Variants in COMMD1 observed in about 807,000 individuals in gnomAD.
COMMD1 encodes COMM domain-containing protein 1.
A neutral mutation model predicts 17.2 loss-of-function variants in COMMD1; 10 were observed. The ratio of observed to expected loss-of-function variants is 0.58; its 90% CI spans 0.36 to 0.99. The LOEUF (loss-of-function observed/expected upper bound fraction) is 0.99, where lower values mean the gene tolerates loss of function less well. COMMD1 is among the 50% of genes least tolerant of loss of function. The pLI is 0.01. For missense variants in COMMD1, 270 were observed against 231.8 expected (o/e 1.17, Z -1.07); for synonymous variants, 97 against 91.6 (o/e 1.06, Z -0.34).
chr2:62,050,441 A>G (rs1209924480), intron 2 of COMMD1, among the ~76,000 whole-genome samples: 2 of 152,208 alleles, frequency 1.3e-5, no homozygotes, highest in African/African-American at 4.8e-5. Flanking sequence ...CCTAAGCGCC[A>G]ATTAAAAATG....
At chr2:62,002,713 G>A (rs904974464) in intron 2 of COMMD1, among the ~76,000 whole-genome samples, 4 of 149,136 alleles carry the variant, frequency 2.7e-5, no homozygotes, top group East Asian at 4.0e-4. Context: ...ACAAATTGCC[G>A]GGCATGGTGG....
rs528664864 is a variant in COMMD1 at position 61,895,205 on chromosome 2, C to T, written n.119+6363C>T. Among the ~76,000 whole-genome samples the T allele has an allele frequency of 5.9e-5, 9 of 152,244 alleles. No individual in the cohort carries two copies. In the South Asian group the frequency reaches 1.9e-3, roughly 32 times the overall value. On this transcript the variant is annotated intron_variant and non_coding_transcript_variant, in intron 1 of 2. Transcript: ENST00000472729. ...AGAGTGACATCAGCAAAATGGGAGA[C>T]CAGGAGCTGCCTCACTTGTGTCTCC...
chr2:61,989,644 T>A (rs960636128), intron 1 of COMMD1, among the ~76,000 whole-genome samples: 7 of 151,886 alleles, frequency 4.6e-5, no homozygotes, highest in African/African-American at 1.2e-4. Flanking sequence ...TGTGTTTTTT[T>A]AATAGAGTTG....
At chr2:61,949,657 TAAAATA>T (rs1670999657) in intron 1 of COMMD1, among the ~76,000 whole-genome samples, 1 of 109,182 alleles carries the variant, frequency 9.2e-6, no homozygotes, top group South Asian at 3.2e-4. Context: ...CAGATTCAGT[TAAAATA>T]AAAAAAAGAA....
At chr2:62,043,910 T>C (rs1044197359) in intron 2 of COMMD1, among the ~76,000 whole-genome samples, 1 of 152,224 alleles carries the variant, frequency 6.6e-6, no homozygotes, top group Non-Finnish European at 1.5e-5. Context: ...TATGTCAGTT[T>C]ATAATAGTCC....
chr2:62,091,249 T>A (rs1223471132), intron 2 of COMMD1, among the ~76,000 whole-genome samples: 2 of 152,264 alleles, frequency 1.3e-5, no homozygotes, highest in Non-Finnish European at 2.9e-5. Context: ...TCCCATCCTT[T>A]TCCCTCTTCC....
chr2:61,954,604 T>G (rs766712633), intron 1 of COMMD1, among the ~76,000 whole-genome samples: 13 of 152,162 alleles, frequency 8.5e-5, no homozygotes, highest in South Asian at 2.1e-4. Context: ...TTTGCAACAT[T>G]TTATAAAACT....
intron 2 of COMMD1, among the ~76,000 whole-genome samples, chr2:62,008,361 G>GAC (rs151332274): frequency 6.8e-6 from 1 of 146,546 alleles, no homozygotes; most frequent in African/African-American, 2.5e-5. Context: ...CACACAGACA[G>GAC]ACACACACAC....
At chr2:62,066,494 G>A (rs1016820639) in intron 2 of COMMD1, among the ~76,000 whole-genome samples, 1 of 150,460 alleles carries the variant, frequency 6.6e-6, no homozygotes, top group Admixed American at 6.6e-5. Flanking sequence ...GGAGTGCAGT[G>A]GTGCGATCTC....
intron 1 of COMMD1, among the ~76,000 whole-genome samples, chr2:61,894,429 A>C (rs1052226882): frequency 3.2e-4 from 48 of 151,940 alleles, no homozygotes; most frequent in African/African-American, 1.2e-3. Flanking sequence ...CTGACTTTAT[A>C]CACATCCTGC....
At chr2:62,018,062 G>A (rs1669505057) in intron 2 of COMMD1, among the ~76,000 whole-genome samples, 1 of 151,464 alleles carries the variant, frequency 6.6e-6, no homozygotes, top group Non-Finnish European at 1.5e-5. Flanking sequence ...AAAAAAAAAA[G>A]TCTGACTTTA....
intron 2 of COMMD1, among the ~76,000 whole-genome samples, chr2:62,024,383 T>TTG (rs975333450): frequency 1.3e-5 from 2 of 151,880 alleles, no homozygotes; most frequent in Admixed American, 1.3e-4. Flanking sequence ...TGCTGGCTAA[T>TTG]TGTGTGTGTG....
chr2:61,991,500 A>G (rs1309943212), intron 1 of COMMD1, among the ~76,000 whole-genome samples: 2 of 152,208 alleles, frequency 1.3e-5, no homozygotes, highest in African/African-American at 4.8e-5. Context: ...GTTGGGTCAA[A>G]TAGACTTTTT....
chr2:62,000,879 G>A lies in COMMD1; in HGVS notation c.359G>A (p.Arg120Gln), dbSNP rs771031012. 4.3e-6 allele frequency: 7 copies of A among 1,614,128 alleles called. No individual in the cohort carries two copies. The highest frequency in any genetic ancestry group is 2.7e-5 in the African/African-American group (2 of 75,042). ...CAGAGCCGCTGGAATAGCGGGCTTC[G>A]GGGCCTGAGCTGGAGAGTTGATGGC... ...MNQSRWNSGL[R>Q]GLSWRVDGKS... The change falls in exon 2 of 3, where the codon CGG becomes CAG. Residue 120 changes from arginine (R) to glutamine (Q), a missense_variant. Transcript: ENST00000311832.
chr2:62,099,820 G>T (rs1573185391), intron 2 of COMMD1, among the ~76,000 whole-genome samples: 1 of 151,970 alleles, frequency 6.6e-6, no homozygotes, highest in African/African-American at 2.4e-5. Context: ...TTCCTGTAGG[G>T]CCGCTGCATG....
intron 2 of COMMD1, among the ~76,000 whole-genome samples, chr2:62,082,594 G>A (rs905788758): frequency 1.3e-5 from 2 of 152,180 alleles, no homozygotes; most frequent in African/African-American, 4.8e-5. Context: ...GGGTGCGGTG[G>A]CTCACACCTG....
intron 1 of COMMD1, among the ~76,000 whole-genome samples, chr2:61,991,988 TATG>T (rs906771587): frequency 2.6e-5 from 4 of 152,246 alleles, no homozygotes; most frequent in Non-Finnish European, 5.9e-5. Flanking sequence ...TAATTTCTAA[TATG>T]ATGTCATAAA....
chr2:62,013,651 G>T (rs4672473), intron 2 of COMMD1, among the ~76,000 whole-genome samples: 136,399 of 152,256 alleles, frequency 0.9, 61,209 homozygotes, highest in East Asian at 1. Context: ...GTAGAGTGTA[G>T]GTTTTGAATA....
At chr2:62,002,208 A>C (rs2103807834) in intron 2 of COMMD1, among the ~76,000 whole-genome samples, 1 of 151,272 alleles carries the variant, frequency 6.6e-6, no homozygotes, top group East Asian at 2.0e-4. Flanking sequence ...AAGATAATTC[A>C]GCCTGAGCAC....
Sources: gnomAD v4.1 joint callset for allele counts (sites outside exome capture counted in the v4.1 genomes callset) on GRCh38, gnomAD v4.1.1 for gene constraint, MANE v1.5 for transcripts, NCBI Gene and HGNC (gene_info 2026-07-23, HGNC 2026-07-21) for gene names.